The following DEK variants were observed in gnomAD, a reference collection of about 807,000 sequenced individuals.
The protein encoded by DEK is protein DEK.
In DEK, 28 loss-of-function variants were observed where a neutral mutation model predicts 46.8. The observed-to-expected ratio is 0.60, with a 90% CI of 0.44 to 0.82. The LOEUF is 0.82. DEK is among the 40% of genes least tolerant of loss of function. The pLI, the probability that DEK is intolerant of heterozygous loss-of-function variation, is 0.00. For missense variants in DEK, 416 were observed against 430.6 expected, an observed-to-expected ratio of 0.97 and a Z score of 0.30; for synonymous variants, 160 against 144.5, an observed-to-expected ratio of 1.11 and a Z score of -0.77.
At chr6:18,255,681 A>C in intron 6 of DEK, 50 bp downstream of exon 6, 1 of 1,561,610 alleles carries the variant, frequency 6.4e-7, no homozygotes, top group Middle Eastern at 1.7e-4. Flanking sequence ...GTTTCATATA[A>C]AGAGGCTATG....
chr6:18,264,002 T>A lies in DEK; in HGVS notation c.-9-6A>T, dbSNP rs748648599. 4 of 1,591,710 alleles carry A rather than the reference T, an allele frequency of 2.5e-6. No individual in the cohort carries two copies. Among genetic ancestry groups the A allele is most frequent in the South Asian group, 1.1e-5 (1 of 89,282 alleles). ...GAGGCGGACATGCTGTGAACCTGCA[T>A]GCGGGAAGAAAGCCGGACGTCTCGG... On this transcript the variant is annotated splice_region_variant and splice_polypyrimidine_tract_variant and intron_variant, in intron 1 of 10. Coordinates refer to ENST00000652689, the MANE Select transcript of DEK (RefSeq NM_003472.4).
chr6:18,238,677 C>T (rs1401141671), intron 7 of DEK, among the ~76,000 whole-genome samples: 2 of 137,012 alleles, frequency 1.5e-5, no homozygotes, highest in Non-Finnish European at 1.6e-5. Flanking sequence ...AGGAGAGAGA[C>T]TGTCTCAAAA....
chr6:18,228,561 G>A (rs1790241899), intron 9 of DEK, among the ~76,000 whole-genome samples: 1 of 152,164 alleles, frequency 6.6e-6, no homozygotes, highest in African/African-American at 2.4e-5. Flanking sequence ...AGCGTGAGCT[G>A]AAGCAGGGCA....
At chr6:18,250,332 G>A (rs1334018469) in intron 6 of DEK, among the ~76,000 whole-genome samples, 1 of 151,978 alleles carries the variant, frequency 6.6e-6, no homozygotes, top group Non-Finnish European at 1.5e-5. Context: ...AGCCGGGCGT[G>A]GTGGCGGGCG....
chr6:18,263,001 C>A (rs931328647), intron 2 of DEK, among the ~76,000 whole-genome samples: 1 of 151,936 alleles, frequency 6.6e-6, no homozygotes, highest in East Asian at 1.9e-4. Flanking sequence ...TAAACATATA[C>A]GAAATAACCG....
intron 9 of DEK, among the ~76,000 whole-genome samples, chr6:18,229,896 C>G (rs535587357): frequency 3.9e-5 from 6 of 151,926 alleles, no homozygotes; most frequent in Non-Finnish European, 7.4e-5. Context: ...AAATACTCCT[C>G]GAGAAGAGCA....
chr6:18,226,966 A>C (rs1442096702), intron 9 of DEK, among the ~76,000 whole-genome samples: 1 of 152,178 alleles, frequency 6.6e-6, no homozygotes, highest in East Asian at 1.9e-4. Flanking sequence ...CAGATGCTTG[A>C]AGGCAGCATG....
intron 7 of DEK, among the ~76,000 whole-genome samples, chr6:18,249,337 T>G (rs537478285): frequency 6.6e-6 from 1 of 152,330 alleles, no homozygotes; most frequent in East Asian, 1.9e-4. Context: ...AATCTGCTCC[T>G]ATGTGGTCCT....
chr6:18,263,335 G>A (rs1024633141), intron 2 of DEK, among the ~76,000 whole-genome samples: 1 of 152,132 alleles, frequency 6.6e-6, no homozygotes, highest in Admixed American at 6.5e-5. Context: ...GCCAGGGAGG[G>A]AAACTTTTTG....
Position 18,259,394 on chromosome 6 carries a change from C to CAAAAAAAAAAAA in DEK, c.146-1001_146-990dup, listed in dbSNP as rs56704006. Among the ~76,000 whole-genome samples the CAAAAAAAAAAAA allele has an allele frequency of 2.9e-4, 12 of 41,478 alleles. 1 individual carries two copies. Among genetic ancestry groups the CAAAAAAAAAAAA allele is most frequent in the East Asian group, 1.0e-3 (1 of 954 alleles). The allele number at this position is 41,478 out of a possible 152,430, so 27.2% of individuals were successfully genotyped here. ...TGGGCGACACAGCAAGACTCCGTCT[C>CAAAAAAAAAAAA]AAAAAAAAAAAAAAAAAAAAAAAAA... is the stretch of plus-strand genomic sequence containing the variant. On this transcript the variant is annotated intron_variant, in intron 2 of 10. Coordinates refer to ENST00000652689, the MANE Select transcript of DEK (RefSeq NM_003472.4).
intron 9 of DEK, among the ~76,000 whole-genome samples, chr6:18,227,731 C>T (rs1280566013): frequency 6.6e-6 from 1 of 152,164 alleles, no homozygotes; most frequent in Non-Finnish European, 1.5e-5. Flanking sequence ...ACAAAAAACC[C>T]CAACAAACAT....
At chr6:18,261,330 T>G (rs28824775) in intron 2 of DEK, among the ~76,000 whole-genome samples, 1 of 152,288 alleles carries the variant, frequency 6.6e-6, no homozygotes, top group South Asian at 2.1e-4. Flanking sequence ...CCTAAAACTC[T>G]GGGAGGCTGA....
At chr6:18,237,064 A>C in intron 8 of DEK, 2 of 222,982 alleles carry the variant, frequency 9.0e-6, no homozygotes, top group Non-Finnish European at 1.7e-5. Context: ...TGCAATAAAT[A>C]ATTTATTTAG....
At chr6:18,242,182 G>C (rs979165523) in intron 7 of DEK, among the ~76,000 whole-genome samples, 1 of 152,148 alleles carries the variant, frequency 6.6e-6, no homozygotes, top group Non-Finnish European at 1.5e-5. Flanking sequence ...GACCAGCCTG[G>C]CAACATCGTG....
At chr6:18,261,834 G>A (rs550881751) in intron 2 of DEK, among the ~76,000 whole-genome samples, 3 of 152,262 alleles carry the variant, frequency 2.0e-5, no homozygotes, top group East Asian at 1.9e-4. Flanking sequence ...AAACAAGACC[G>A]GACTTTGGGG....
In DEK at chr6:18,258,001, G is replaced by A. The variant is rs369711321; in HGVS notation, c.309C>T (p.Thr103=). The A allele has an allele frequency of 1.7e-5, 28 of 1,611,102 alleles. No homozygotes were observed. Among genetic ancestry groups the A allele is most frequent in the East Asian group, 6.7e-5 (3 of 44,798 alleles). Residue 103 remains threonine, a synonymous_variant, in exon 4 of 11, where the codon ACC becomes ACT. Coordinates refer to ENST00000652689, the MANE Select transcript of DEK (RefSeq NM_003472.4). ...RIHFFLSKKK[T]DELRNLHKLL... ...GTTTGTGTAGATTTCTAAGTTCATC[G>A]GTTTTCTTCTTACTTAGAAAAAAAT...
chr6:18,254,754 G>C lies in DEK; in HGVS notation c.573+977C>G, dbSNP rs9477683. On this transcript the variant is annotated intron_variant, in intron 6 of 10. Transcript: ENST00000652689. ...CACACTAAATCCTTAAAAAGTACAA[G>C]TATAGCTATAGTAAAAGTTAGAAAA... Among the ~76,000 whole-genome samples the C allele has an allele frequency of 2.3e-3, 343 of 152,212 alleles. 1 individual carries two copies. The highest frequency in any genetic ancestry group is 7.5e-3 in the African/African-American group (313 of 41,534).
chr6:18,262,460 A>G (rs1791919779), intron 2 of DEK, among the ~76,000 whole-genome samples: 1 of 152,216 alleles, frequency 6.6e-6, no homozygotes, highest in African/African-American at 2.4e-5. Flanking sequence ...TCACAGCTAC[A>G]ATAAAACTAT....
In DEK at chr6:18,224,867, T is replaced by C. The variant is rs542914199; in HGVS notation, c.*852A>G. On this transcript the variant is annotated 3_prime_UTR_variant, in exon 11 of 11. Coordinates refer to ENST00000652689, the MANE Select transcript of DEK (RefSeq NM_003472.4). ...CTTTGATAGGTTGATTTTTGGTCTG[T>C]CCTTATATAATATAAAACGTACCTA... 5.7e-5 allele frequency: 12 copies of C among 211,486 alleles called. No homozygotes were observed. In the South Asian group the frequency reaches 1.5e-3, roughly 26 times the overall value. 13.1% of individuals were successfully genotyped at this position (211,486 alleles called of 1,614,324 possible).
Sources: allele counts gnomAD v4.1 joint callset (sites outside exome capture counted in the v4.1 genomes callset), GRCh38; gene constraint gnomAD v4.1.1; transcripts MANE v1.5; gene names NCBI Gene and HGNC (gene_info 2026-07-23, HGNC 2026-07-21).